ANO7: variants seen among roughly 807,000 people sequenced by gnomAD.
ANO7 encodes anoctamin 7, also known as anoctamin-7.
A neutral mutation model predicts 115.8 loss-of-function variants in ANO7; 114 were observed. That is an observed-to-expected ratio of 0.98 (90% confidence interval 0.85 to 1.15). ANO7 has a LOEUF of 1.15. Among genes scored for constraint, ANO7 ranks in the 50% most tolerant of loss-of-function variants. ANO7 has a pLI of 0.00. For missense variants in ANO7, 1,302 were observed against 1,201.2 expected (o/e 1.08, Z -1.24); for synonymous variants, 550 against 498.2 (o/e 1.10, Z -1.38).
chr2:241,199,961 A>AAGGAG, intron 5 of ANO7, 128 bp from the exon 6 acceptor site: 2 of 1,126,348 alleles, frequency 1.8e-6, no homozygotes, highest in Non-Finnish European at 2.5e-6. Context: ...AGGGTCTACC[A>AAGGAG]CGCTCCTTCC....
At chr2:241,229,967 G>GGAAGCTTCCT, downstream of ANO7, 1 of 1,592,762 alleles carries the variant, frequency 6.3e-7, no homozygotes, top group Non-Finnish European at 8.6e-7. Context: ...GCTAGCTGCA[G>GGAAGCTTCCT]GCAGAAGACA....
At chr2:241,193,179 C>T (rs1473041476) in intron 3 of ANO7, among the ~76,000 whole-genome samples, 1 of 152,036 alleles carries the variant, frequency 6.6e-6, no homozygotes, top group East Asian at 1.9e-4. Flanking sequence ...GCACCATTCT[C>T]CTGCCTCAGC....
chr2:241,236,583 C>CG, the ANO7 span: 30 of 1,607,476 alleles, frequency 1.9e-5, no homozygotes, highest in Non-Finnish European at 2.3e-5. Context: ...TGGGCCTTGG[C>CG]GGGGGGTGGA....
the ANO7 span, chr2:241,238,686 A>C: frequency 1.3e-6 from 2 of 1,582,226 alleles, no homozygotes; most frequent in Non-Finnish European, 1.7e-6. This position sits in a 1 kb window ranked among gnomAD's most constrained non-coding sequence, Gnocchi z 4.9. Context: ...TAATTTGAAC[A>C]CTGAAATCCC....
chr2:241,215,861 G>A (rs2068817311), intron 18 of ANO7, among the ~76,000 whole-genome samples: 1 of 152,204 alleles, frequency 6.6e-6, no homozygotes, highest in African/African-American at 2.4e-5. Flanking sequence ...GGCTGGGCGG[G>A]TGGACTGCCC....
At chr2:241,210,239 G>C in intron 13 of ANO7, 56 bp from the exon 14 acceptor site, 1 of 1,561,630 alleles carries the variant, frequency 6.4e-7, no homozygotes, top group Non-Finnish European at 8.8e-7. Flanking sequence ...TGGCCTGAGG[G>C]TGCTGGGGTG....
chr2:241,196,500 G>A (rs757373868), intron 4 of ANO7, among the ~76,000 whole-genome samples: 4 of 152,230 alleles, frequency 2.6e-5, no homozygotes, highest in Non-Finnish European at 5.9e-5. Flanking sequence ...AGGCTGTGCT[G>A]TCACCTGTCC....
intron 3 of ANO7, 118 bp from the exon 4 acceptor site, chr2:241,195,585 C>A: frequency 2.1e-6 from 2 of 965,612 alleles, no homozygotes; most frequent in Non-Finnish European, 3.1e-6. Flanking sequence ...AGGAACCGGC[C>A]CTGAGTGTCC....
Position 241,202,234 on chromosome 2 carries a change from A to G in ANO7, c.653A>G (p.Lys218Arg). 2 of 1,613,832 alleles carry G rather than the reference A, an allele frequency of 1.2e-6. No homozygotes were observed. The highest frequency in any genetic ancestry group is 1.7e-6 in the Non-Finnish European group (2 of 1,179,988). The change falls in exon 8 of 25, where the codon AAG becomes AGG. Residue 218 changes from lysine to arginine, a missense_variant. Lys to Arg is a conservative substitution (Grantham distance 26). Transcript: ENST00000674324. ...GCCAAGACCCCGTATGGCCACGAGA[A>G]GAAAAACCTGCTTGGGATCCACCAG... Reference protein sequence around the residue: ...ILAKTPYGHEKKNLLGIHQLL... With the variant: ...ILAKTPYGHERKNLLGIHQLL...
chr2:241,212,908 G>A, intron 17 of ANO7: 2 of 435,916 alleles, frequency 4.6e-6, no homozygotes, highest in Non-Finnish European at 8.4e-6. Context: ...TGAGGGAGGA[G>A]GATCGCTTAA....
rs980833410 is a variant in ANO7 at position 241,223,186 on chromosome 2, G to A, written c.2322G>A (p.Arg774=). The part of the protein sequence containing the change: ...SFAAAHNRTC[R]YRAFRDDDGH... The stretch of plus-strand genomic sequence containing the variant: ...GCACTGAGTCCTGTGTCTGCTGCAG[G>A]TATCGGGCTTTCCGGGATGACGATG... The change falls in exon 22 of 25, where the codon AGG becomes AGA. Residue 774 remains arginine (R), a splice_region_variant and synonymous_variant. Transcript: ENST00000674324. The A allele has an allele frequency of 6.2e-7, 1 of 1,614,106 alleles. No individual in the cohort carries two copies. Among genetic ancestry groups the A allele is most frequent in the South Asian group, 1.1e-5 (1 of 91,078 alleles).
intron 21 of ANO7, among the ~76,000 whole-genome samples, chr2:241,221,095 G>A (rs886163251): frequency 2.7e-5 from 4 of 150,662 alleles, no homozygotes; most frequent in Non-Finnish European, 4.4e-5. Flanking sequence ...TTTTTGAGAC[G>A]GAGTCTTGCT....
chr2:241,218,510 G>C (rs1404519475), intron 21 of ANO7, 129 bp downstream of exon 21: 3 of 769,096 alleles, frequency 3.9e-6, no homozygotes, highest in South Asian at 5.2e-5. Context: ...GCCGGGGGAG[G>C]GGGGGAGCTG....
intron 18 of ANO7, among the ~76,000 whole-genome samples, chr2:241,215,333 C>T (rs971878212): frequency 6.6e-6 from 1 of 152,232 alleles, no homozygotes; most frequent in Admixed American, 6.5e-5. Flanking sequence ...GCCTCAGATG[C>T]CCCTGCCAGG....
Position 241,204,899 on chromosome 2 carries a change from G to T in ANO7, c.924G>T (p.Val308=). The T allele has an allele frequency of 6.2e-7, 1 of 1,614,026 alleles. No homozygotes were observed. The highest frequency in any genetic ancestry group is 1.1e-5 in the South Asian group (1 of 91,084). The change falls in exon 10 of 25, where the codon GTG becomes GTT. Residue 308 remains valine (V), a synonymous_variant. Transcript: ENST00000674324. Reference sequence around the variant, plus strand: ...CAGGCTGGCTCCTGCCAGCGGCAGTGGTGGGCACACTGGTGTTCCTGGTGG... The same window carrying T: ...CAGGCTGGCTCCTGCCAGCGGCAGTTGTGGGCACACTGGTGTTCCTGGTGG... ...FYTGWLLPAA[V]VGTLVFLVGC...
In ANO7 at chr2:241,223,257, C is replaced by T. The variant is rs773307206; in HGVS notation, c.2393C>T (p.Ala798Val). Residue 798 changes from alanine to valine, a missense_variant, in exon 22 of 25, where the codon GCC becomes GTC. By Grantham distance (64) the Ala-to-Val change is moderately conservative. Transcript: ENST00000674324. ...TYWNLLAIRL[A>V]FVIVFEHVVF... ...TGGAATCTTCTTGCCATCCGCCTGG[C>T]CTTCGTCATTGTGTTTGAGGTAGCC... The T allele has an allele frequency of 6.2e-7, 1 of 1,614,238 alleles. No homozygotes were observed.
chr2:241,202,221 T>C lies in ANO7; in HGVS notation c.640T>C (p.Tyr214His). The C allele has an allele frequency of 6.2e-7, 1 of 1,613,756 alleles. No homozygotes were observed. The highest frequency in any genetic ancestry group is 1.1e-5 in the South Asian group (1 of 91,080). ...GTTTGAGATCCTGGCCAAGACCCCG[T>C]ATGGCCACGAGAAGAAAAACCTGCT... ...ILFEILAKTP[Y>H]GHEKKNLLGI... Residue 214 changes from tyrosine to histidine, a missense_variant, in exon 8 of 25, where the codon TAT (tyrosine) becomes CAT (histidine). Tyr to His is a moderately conservative substitution (Grantham distance 83). Transcript: ENST00000674324.
chr2:241,191,805 G>A (rs1245305291), intron 3 of ANO7, among the ~76,000 whole-genome samples: 1 of 151,632 alleles, frequency 6.6e-6, no homozygotes, highest in Non-Finnish European at 1.5e-5. Flanking sequence ...TGATGAGGAT[G>A]AGCGGAAACT....
chr2:241,240,209 C>T, the ANO7 span: 1 of 1,297,086 alleles, frequency 7.7e-7, no homozygotes, highest in Non-Finnish European at 1.1e-6. The surrounding 1 kb of genome is among the most constrained non-coding windows in gnomAD (Gnocchi z 5.5). Flanking sequence ...GGACAGCAAG[C>T]TCGGGCTCCC....
Sources: gnomAD v4.1 joint callset for allele counts (sites outside exome capture counted in the v4.1 genomes callset) on GRCh38, gnomAD v4.1.1 for gene constraint, Gnocchi (gnomAD v3.1) non-coding constraint, MANE v1.5 for transcripts, NCBI Gene and HGNC (gene_info 2026-07-23, HGNC 2026-07-21) for gene names.